SCAMP1: variants seen among roughly 807,000 people sequenced by gnomAD.
SCAMP1 encodes secretory carrier membrane protein 1, also known as secretory carrier-associated membrane protein 1.
SCAMP1 carries 15 observed loss-of-function variants against 41.8 expected under a neutral mutation model. The ratio of observed to expected loss-of-function variants is 0.36; its 90% confidence interval spans 0.24 to 0.55. The LOEUF is 0.55. SCAMP1 is among the 20% of genes least tolerant of loss of function. The pLI is 0.86. For synonymous variants in SCAMP1, 135 were observed against 136.8 expected (o/e 0.99, Z 0.09); for missense variants, 341 against 412.6 (o/e 0.83, Z 1.50).
At chr5:78,400,343 G>C (rs560859209) in intron 2 of SCAMP1, among the ~76,000 whole-genome samples, 7 of 152,260 alleles carry the variant, frequency 4.6e-5, no homozygotes, top group African/African-American at 1.7e-4. Context: ...TGTGTTGACT[G>C]TTTTGGGTTT....
intron 8 of SCAMP1, among the ~76,000 whole-genome samples, chr5:78,469,984 A>C (rs1753847061): frequency 6.9e-6 from 1 of 144,378 alleles, no homozygotes; most frequent in South Asian, 2.2e-4. Context: ...TAGCTGTTGG[A>C]GAGACTGAGG....
chr5:78,474,964 C>A (rs10068518), intron 8 of SCAMP1, among the ~76,000 whole-genome samples: 56,286 of 151,938 alleles, frequency 0.37, 12,541 homozygotes, highest in Non-Finnish European at 0.5. Flanking sequence ...CTTGACCATA[C>A]ACAAAAAGTT....
At chr5:78,370,234 AC>A (rs746927455) in intron 1 of SCAMP1, among the ~76,000 whole-genome samples, 1 of 152,202 alleles carries the variant, frequency 6.6e-6, no homozygotes, top group Non-Finnish European at 1.5e-5. Flanking sequence ...ATTTAGACCT[AC>A]AGTTTTTGGT....
chr5:78,377,408 G>A (rs12654349), intron 1 of SCAMP1, among the ~76,000 whole-genome samples: 2 of 151,890 alleles, frequency 1.3e-5, no homozygotes, highest in African/African-American at 4.8e-5. Context: ...CTCATATTCA[G>A]TCTCCTCAAA....
intron 7 of SCAMP1, among the ~76,000 whole-genome samples, chr5:78,452,169 C>T (rs1753250743): frequency 6.6e-6 from 1 of 151,292 alleles, no homozygotes; most frequent in Non-Finnish European, 1.5e-5. Flanking sequence ...GGATGTTGCA[C>T]ATTTAGTTTT....
intron 8 of SCAMP1, among the ~76,000 whole-genome samples, chr5:78,468,453 A>G (rs941157097): frequency 2.0e-5 from 3 of 152,304 alleles, no homozygotes; most frequent in East Asian, 3.9e-4. Flanking sequence ...ACAGGAGACT[A>G]TGGATCAGGG....
chr5:78,375,307 C>G (rs1345185199), intron 1 of SCAMP1, among the ~76,000 whole-genome samples: 2 of 152,106 alleles, frequency 1.3e-5, no homozygotes, highest in Non-Finnish European at 2.9e-5. Flanking sequence ...CTTCCAACAA[C>G]TTGGTCTTTG....
intron 6 of SCAMP1, among the ~76,000 whole-genome samples, chr5:78,436,732 T>C (rs1752766876): frequency 1.3e-5 from 2 of 152,240 alleles, no homozygotes; most frequent in Non-Finnish European, 2.9e-5. Context: ...ATATGAACTT[T>C]ACCGTAGTTT....
chr5:78,362,771 T>C (rs899817389), intron 1 of SCAMP1, among the ~76,000 whole-genome samples: 5 of 152,208 alleles, frequency 3.3e-5, no homozygotes, highest in Non-Finnish European at 7.3e-5. Flanking sequence ...CTATATTTTG[T>C]CTTTTTACTT....
In SCAMP1 at chr5:78,423,969, C is replaced by T. The variant is rs148027791; in HGVS notation, c.632+2009C>T. Reference sequence around the variant, plus strand: ...AAGCAGTTCTCCTGCCTCAGCCTCTCAGGTAGCTGGGATTACAGGCATGCA... The same window carrying T: ...AAGCAGTTCTCCTGCCTCAGCCTCTTAGGTAGCTGGGATTACAGGCATGCA... On this transcript the variant is annotated intron_variant, in intron 6 of 8. Transcript: ENST00000621999. Among the ~76,000 whole-genome samples the T allele has an allele frequency of 5.2e-3, 784 of 152,034 alleles. 10 individuals are homozygous for T. Among genetic ancestry groups the T allele is most frequent in the African/African-American group, 0.018 (752 of 41,476 alleles).
At chr5:78,458,794 C>T (rs542976685) in intron 7 of SCAMP1, among the ~76,000 whole-genome samples, 80 of 152,190 alleles carry the variant, frequency 5.3e-4, no homozygotes, top group Non-Finnish European at 9.0e-4. Flanking sequence ...GTAGGAGAAT[C>T]GCTTGAACCC....
intron 2 of SCAMP1, among the ~76,000 whole-genome samples, chr5:78,397,632 A>G (rs969328752): frequency 6.6e-6 from 1 of 152,206 alleles, no homozygotes; most frequent in Non-Finnish European, 1.5e-5. Flanking sequence ...TATTAAAAAG[A>G]CAACCAGGCT....
At chr5:78,366,464 G>C (rs1231447102) in intron 1 of SCAMP1, among the ~76,000 whole-genome samples, 1 of 151,956 alleles carries the variant, frequency 6.6e-6, no homozygotes, top group Non-Finnish European at 1.5e-5. Flanking sequence ...TTTTTTAATA[G>C]GGATATTAAT....
At chr5:78,404,314 A>AT (rs1039833612) in intron 2 of SCAMP1, among the ~76,000 whole-genome samples, 5 of 151,790 alleles carry the variant, frequency 3.3e-5, no homozygotes, top group African/African-American at 7.3e-5. Context: ...ACCAAGGCTA[A>AT]TTTTTTTATT....
At chr5:78,460,805 CTCCCTTCCTTCCTTCCTTTCT>C (rs1371810833) in intron 8 of SCAMP1, among the ~76,000 whole-genome samples, 542 of 38,338 alleles carry the variant, frequency 0.014, 44 homozygotes, top group African/African-American at 0.064. Context: ...TCCTTCCTTC[CTCCCTTCCTTCCTTCCTTTCT>C]TGTCTTTCCT....
chr5:78,402,388 A>C (rs957532939), intron 2 of SCAMP1, among the ~76,000 whole-genome samples: 4 of 152,222 alleles, frequency 2.6e-5, no homozygotes, highest in Middle Eastern at 3.4e-3. Flanking sequence ...CTTGCCTGCT[A>C]GATCGGTCCG....
At chr5:78,429,959 C>T (rs1379864320) in intron 6 of SCAMP1, among the ~76,000 whole-genome samples, 1 of 151,604 alleles carries the variant, frequency 6.6e-6, no homozygotes, top group Non-Finnish European at 1.5e-5. Flanking sequence ...CTTTTCTCCC[C>T]ACAGTCCTTC....
intron 8 of SCAMP1, among the ~76,000 whole-genome samples, chr5:78,466,534 C>T (rs1753755438): frequency 6.6e-6 from 1 of 152,068 alleles, no homozygotes; most frequent in African/African-American, 2.4e-5. Context: ...ATGGCAAATT[C>T]AGGGAATTAA....
At chr5:78,453,913 G>C (rs995933753) in intron 7 of SCAMP1, among the ~76,000 whole-genome samples, 1 of 152,102 alleles carries the variant, frequency 6.6e-6, no homozygotes, top group African/African-American at 2.4e-5. Flanking sequence ...TCCCTTGTAA[G>C]TTGGATTCCT....
Sources: gnomAD v4.1 joint callset for allele counts (sites outside exome capture counted in the v4.1 genomes callset) on GRCh38, gnomAD v4.1.1 for gene constraint, MANE v1.5 for transcripts, NCBI Gene and HGNC (gene_info 2026-07-23, HGNC 2026-07-21) for gene names.